CYYR1: variants seen among roughly 807,000 people sequenced by gnomAD.
CYYR1 encodes cysteine and tyrosine-rich protein 1.
Under a neutral mutation model 15.2 loss-of-function variants are expected in CYYR1, and 14 were observed. That is an observed-to-expected ratio of 0.92 (90% CI 0.61 to 1.44). The LOEUF (loss-of-function observed/expected upper bound fraction) is 1.44, where lower values mean the gene tolerates loss of function less well. Ranked by LOEUF, CYYR1 falls within the 40% of genes most tolerant of loss-of-function variation. CYYR1 has a pLI of 0.00. For missense variants in CYYR1, 228 were observed against 209.5 expected, an observed-to-expected ratio of 1.09 and a Z score of -0.54; for synonymous variants, 80 against 77.4, an observed-to-expected ratio of 1.03 and a Z score of -0.18.
At chr21:26,554,236 T>C (rs1164312978) in intron 2 of CYYR1, among the ~76,000 whole-genome samples, 1 of 152,184 alleles carries the variant, frequency 6.6e-6, no homozygotes, top group East Asian at 1.9e-4. Flanking sequence ...ACTGTGTGCA[T>C]TATTTATTGA....
intron 2 of CYYR1, among the ~76,000 whole-genome samples, chr21:26,508,506 T>C (rs1430819953): frequency 2.0e-5 from 3 of 152,164 alleles, no homozygotes; most frequent in Non-Finnish European, 4.4e-5. Flanking sequence ...ACTTAAGCTA[T>C]TGTGGTAATG....
chr21:26,489,442 AT>A (rs1569144682), intron 2 of CYYR1, among the ~76,000 whole-genome samples: 2 of 152,118 alleles, frequency 1.3e-5, no homozygotes, highest in Non-Finnish European at 2.9e-5. Flanking sequence ...TTCTTACATG[AT>A]TTTGTGCCAA....
intron 1 of CYYR1, among the ~76,000 whole-genome samples, chr21:26,570,503 C>A (rs577487256): frequency 8.5e-4 from 130 of 152,322 alleles, no homozygotes; most frequent in Middle Eastern, 6.8e-3. Flanking sequence ...TCTTTGTAGC[C>A]TGCAGTGGGA....
intron 2 of CYYR1, among the ~76,000 whole-genome samples, chr21:26,532,427 G>C (rs1377180411): frequency 6.6e-6 from 1 of 152,108 alleles, no homozygotes; most frequent in Non-Finnish European, 1.5e-5. Flanking sequence ...GATGACGCTG[G>C]AGGAAACATT....
chr21:26,547,444 C>A (rs887740770), intron 2 of CYYR1, among the ~76,000 whole-genome samples: 1 of 152,164 alleles, frequency 6.6e-6, no homozygotes, highest in African/African-American at 2.4e-5. Flanking sequence ...GCCCAAGAGA[C>A]TTTGTCCCAG....
chr21:26,486,560 C>T (rs1490447719), intron 2 of CYYR1, among the ~76,000 whole-genome samples: 1 of 152,038 alleles, frequency 6.6e-6, no homozygotes, highest in Non-Finnish European at 1.5e-5. Context: ...ATTGCTTTTG[C>T]ACCTTTGTCA....
chr21:26,475,444 C>T (rs1472812786), intron 3 of CYYR1, among the ~76,000 whole-genome samples: 1 of 152,116 alleles, frequency 6.6e-6, no homozygotes, highest in Non-Finnish European at 1.5e-5. Context: ...AAGGCTAGCC[C>T]CTATACTTGT....
At chr21:26,565,074 G>C (rs538035558) in intron 2 of CYYR1, among the ~76,000 whole-genome samples, 1 of 152,238 alleles carries the variant, frequency 6.6e-6, no homozygotes, top group East Asian at 1.9e-4. Flanking sequence ...GCATTTCAAG[G>C]AAGGCTTAAA....
chr21:26,478,065 C>T (rs1173135636), intron 3 of CYYR1: 1 of 1,549,096 alleles, frequency 6.5e-7, no homozygotes, highest in Non-Finnish European at 8.7e-7. Flanking sequence ...TGTACCAGGC[C>T]TGGTCTTACA....
chr21:26,544,675 G>T (rs1160698506), intron 2 of CYYR1, among the ~76,000 whole-genome samples: 2 of 152,122 alleles, frequency 1.3e-5, no homozygotes, highest in African/African-American at 2.4e-5. Context: ...AGAGGAAAGA[G>T]AATTGTATTA....
intron 2 of CYYR1, among the ~76,000 whole-genome samples, chr21:26,561,573 A>G (rs1980205045): frequency 6.6e-6 from 1 of 152,210 alleles, no homozygotes; most frequent in Admixed American, 6.5e-5. Flanking sequence ...TTTCATTGAG[A>G]AGAAAAGAAA....
intron 2 of CYYR1, among the ~76,000 whole-genome samples, chr21:26,549,731 T>A (rs1433784297): frequency 2.6e-5 from 4 of 152,164 alleles, no homozygotes; most frequent in South Asian, 2.1e-4. Flanking sequence ...CCAGGGACTG[T>A]CAAGCTTTTG....
intron 2 of CYYR1, among the ~76,000 whole-genome samples, chr21:26,486,839 A>G (rs1183925030): frequency 6.6e-6 from 1 of 152,088 alleles, no homozygotes; most frequent in Non-Finnish European, 1.5e-5. Flanking sequence ...CTTACTAGTT[A>G]TCTTGATGTG....
At chr21:26,478,217 T>C in intron 3 of CYYR1, 1 of 1,515,772 alleles carries the variant, frequency 6.6e-7, no homozygotes, top group South Asian at 1.3e-5. Flanking sequence ...AAAAGCACTC[T>C]GGATAAAAAG....
chr21:26,497,216 G>T (rs983395619), intron 2 of CYYR1, among the ~76,000 whole-genome samples: 1 of 151,992 alleles, frequency 6.6e-6, no homozygotes, highest in South Asian at 2.1e-4. Flanking sequence ...ACTAATGTAC[G>T]CTCAGCAGGA....
At chr21:26,486,244 C>T (rs914504351) in intron 2 of CYYR1, among the ~76,000 whole-genome samples, 1 of 152,012 alleles carries the variant, frequency 6.6e-6, no homozygotes, top group South Asian at 2.1e-4. Context: ...CCAACAGGGT[C>T]GTTCACAGAA....
intron 2 of CYYR1, among the ~76,000 whole-genome samples, chr21:26,546,015 A>C (rs1978951459): frequency 6.6e-6 from 1 of 152,230 alleles, no homozygotes; most frequent in South Asian, 2.1e-4. Flanking sequence ...AGCAAAATAA[A>C]TGAAGAATAA....
At chr21:26,485,229 T>C (rs1018474221) in intron 2 of CYYR1, among the ~76,000 whole-genome samples, 1 of 152,024 alleles carries the variant, frequency 6.6e-6, no homozygotes. Context: ...TCACGGGAAG[T>C]GTAAAAAGAG....
chr21:26,477,252 T>C (rs1318260293), intron 3 of CYYR1, among the ~76,000 whole-genome samples: 2 of 152,202 alleles, frequency 1.3e-5, no homozygotes, highest in Non-Finnish European at 2.9e-5. Context: ...TGAAAGATTT[T>C]GAAAAGTATT....
Sources: gnomAD v4.1 joint callset for allele counts (sites outside exome capture counted in the v4.1 genomes callset) on GRCh38, gnomAD v4.1.1 for gene constraint, MANE v1.5 for transcripts, NCBI Gene and HGNC (gene_info 2026-07-23, HGNC 2026-07-21) for gene names.